NR3C2: variants seen among roughly 807,000 people sequenced by gnomAD.
NR3C2 encodes the protein nuclear receptor subfamily 3 group C member 2.
Under a neutral mutation model 86.4 loss-of-function variants are expected in NR3C2, and 15 were observed. The observed-to-expected ratio is 0.17, with a 90% CI of 0.12 to 0.27. The LOEUF is 0.27. Ranked by LOEUF, NR3C2 falls within the 10% of genes least tolerant of loss-of-function variation. The pLI is 1.00. For missense variants in NR3C2, 960 were observed against 1,195.6 expected (o/e 0.80, Z 2.91); for synonymous variants, 458 against 450.5 (o/e 1.02, Z -0.21).
upstream of NR3C2, chr4:148,444,742 T>C (rs1750504950): frequency 1.0e-6 from 1 of 984,652 alleles, no homozygotes; most frequent in African/African-American, 1.8e-5. Context: ...CGGCGCCAAA[T>C]CGCGCAGAGG....
chr4:148,168,003 G>A (rs1283171601), intron 4 of NR3C2, among the ~76,000 whole-genome samples: 1 of 152,228 alleles, frequency 6.6e-6, no homozygotes, highest in Non-Finnish European at 1.5e-5. Context: ...CAGCAAACAA[G>A]CAGGCGGTCC....
intron 2 of NR3C2, among the ~76,000 whole-genome samples, chr4:148,427,913 C>A (rs1009825955): frequency 6.6e-6 from 1 of 152,156 alleles, no homozygotes; most frequent in African/African-American, 2.4e-5. Context: ...GTACGTAACT[C>A]ACTTCACAAA....
At chr4:148,217,514 T>C (rs1323416915) in intron 3 of NR3C2, among the ~76,000 whole-genome samples, 1 of 152,190 alleles carries the variant, frequency 6.6e-6, no homozygotes, top group Non-Finnish European at 1.5e-5. Context: ...GACATGACTG[T>C]CCTATTTAAT....
chr4:148,194,716 T>C (rs752270743), intron 4 of NR3C2, 30 bp downstream of exon 4: 2 of 1,492,828 alleles, frequency 1.3e-6, no homozygotes, highest in East Asian at 4.5e-5. Flanking sequence ...CTATTAACAA[T>C]TTTTATTAAA....
intron 2 of NR3C2, among the ~76,000 whole-genome samples, chr4:148,291,936 A>G (rs1249685403): frequency 6.6e-6 from 1 of 152,144 alleles, no homozygotes; most frequent in African/African-American, 2.4e-5. Context: ...CACAAAGCCT[A>G]TTTCATAACA....
chr4:148,148,633 C>T (rs1258789740), intron 6 of NR3C2, among the ~76,000 whole-genome samples: 2 of 152,176 alleles, frequency 1.3e-5, no homozygotes, highest in Non-Finnish European at 2.9e-5. Context: ...GCTGGTCTCT[C>T]AGGCTAGATC....
intron 2 of NR3C2, among the ~76,000 whole-genome samples, chr4:148,323,908 A>G (rs944362772): frequency 3.3e-5 from 5 of 151,930 alleles, no homozygotes; most frequent in African/African-American, 9.7e-5. Context: ...CCTCCCCTCT[A>G]TCTCATTTTT....
At chr4:148,263,806 T>G (rs185258698) in intron 2 of NR3C2, among the ~76,000 whole-genome samples, 1 of 152,264 alleles carries the variant, frequency 6.6e-6, no homozygotes, top group Admixed American at 6.5e-5. Flanking sequence ...GGCCCTGATG[T>G]TCCCCCAGCA....
chr4:148,204,377 A>T (rs190360914), intron 3 of NR3C2, among the ~76,000 whole-genome samples: 2 of 152,288 alleles, frequency 1.3e-5, no homozygotes, highest in Non-Finnish European at 2.9e-5. Context: ...ATAAACTAAT[A>T]CGTTATTCAG....
intron 2 of NR3C2, among the ~76,000 whole-genome samples, chr4:148,307,355 T>C (rs1742680805): frequency 6.6e-6 from 1 of 152,156 alleles, no homozygotes; most frequent in African/African-American, 2.4e-5. Flanking sequence ...GCTAAGGAAA[T>C]CAGTTATTCT....
At chr4:148,249,269 T>C (rs1739459886) in intron 3 of NR3C2, among the ~76,000 whole-genome samples, 1 of 151,812 alleles carries the variant, frequency 6.6e-6, no homozygotes. Flanking sequence ...AAAAAGGGAT[T>C]GAGAGGAAGG....
At chr4:148,324,351 GTGTGTGTGTGTGTGTT>G (rs1368430913) in intron 2 of NR3C2, among the ~76,000 whole-genome samples, 1,909 of 100,980 alleles carry the variant, frequency 0.019, 32 homozygotes, top group African/African-American at 0.066. Flanking sequence ...GTGTGTGTGT[GTGTGTGTGTGTGTGTT>G]TGTGTGTGTG....
At chr4:148,319,516 A>C (rs1743431561) in intron 2 of NR3C2, among the ~76,000 whole-genome samples, 1 of 150,016 alleles carries the variant, frequency 6.7e-6, no homozygotes, top group Non-Finnish European at 1.5e-5. Flanking sequence ...TGAGCATGGA[A>C]TGTTCTTCCA....
At chr4:148,269,505 T>C (rs1216185283) in intron 2 of NR3C2, among the ~76,000 whole-genome samples, 3 of 152,236 alleles carry the variant, frequency 2.0e-5, no homozygotes, top group African/African-American at 7.2e-5. Context: ...TCCGATAGTA[T>C]GCACTTGAGC....
intron 2 of NR3C2, among the ~76,000 whole-genome samples, chr4:148,319,884 A>G (rs1258387814): frequency 2.0e-4 from 28 of 139,492 alleles, no homozygotes; most frequent in Middle Eastern, 7.4e-3. Context: ...TCTCCTGCCT[A>G]ATTGCCCTGG....
chr4:148,306,793 T>C lies in NR3C2; in HGVS notation c.1758-46676A>G, dbSNP rs1054739691. Among the ~76,000 whole-genome samples the C allele has an allele frequency of 3.9e-5, 6 of 152,336 alleles. No individual in the cohort carries two copies. The East Asian group carries it at 1.2e-3, about 29-fold the overall frequency. ...AATGCATAATTTCACCCTATAAATA[T>C]GCTGTAAAACATTAAAAATAGATTA... On this transcript the variant is annotated intron_variant, in intron 2 of 8. Coordinates refer to ENST00000358102, the MANE Select transcript of NR3C2 (RefSeq NM_000901.5).
At chr4:148,326,309 G>A (rs1334242516) in intron 2 of NR3C2, among the ~76,000 whole-genome samples, 4 of 152,012 alleles carry the variant, frequency 2.6e-5, no homozygotes, top group Non-Finnish European at 4.4e-5. Flanking sequence ...GCTGAGGCAG[G>A]ATAATGTCAT....
Position 148,435,831 on chromosome 4 carries a change from T to A in NR3C2, c.1030A>T (p.Thr344Ser). 1.9e-6 allele frequency: 3 copies of A among 1,614,212 alleles called. No homozygotes were observed. Among genetic ancestry groups the A allele is most frequent in the Non-Finnish European group, 2.5e-6 (3 of 1,180,040 alleles). Residue 344 changes from threonine (T) to serine (S), a missense_variant, in exon 2 of 9, where the codon ACT becomes TCT. Around this residue, in one of 4 missense-constraint regions of NR3C2, gnomAD observed 680 missense variants for 719.0 expected, o/e 0.95. Transcript: ENST00000358102. Reference protein sequence around the residue: ...CSPVNNAFSYTASGTSAGSST... With the variant: ...CSPVNNAFSYSASGTSAGSST... ...GATCCAGCAGAGGTGCCAGAAGCAG[T>A]GTAGCTGAAGGCATTGTTTACAGGG...
intron 4 of NR3C2, among the ~76,000 whole-genome samples, chr4:148,158,048 A>C (rs2149771759): frequency 6.6e-6 from 1 of 152,348 alleles, no homozygotes; most frequent in African/African-American, 2.4e-5. Flanking sequence ...TATCTCTTTA[A>C]TAAAAGATTT....
Sources: allele counts gnomAD v4.1 joint callset (sites outside exome capture counted in the v4.1 genomes callset), GRCh38; gene constraint gnomAD v4.1.1; regional missense constraint gnomAD v4.1.1; transcripts MANE v1.5; gene names NCBI Gene and HGNC (gene_info 2026-07-23, HGNC 2026-07-21).